The following DIAPH2 variants were observed in gnomAD, a reference collection of about 807,000 sequenced individuals.
DIAPH2 encodes protein diaphanous homolog 2.
A neutral mutation model predicts 92.7 loss-of-function variants in DIAPH2; 35 were observed. The observed-to-expected ratio is 0.38, with a 90% CI of 0.29 to 0.50. The LOEUF is 0.50. Ranked by LOEUF, DIAPH2 falls within the 20% of genes least tolerant of loss-of-function variation. The pLI is 0.94. For missense variants in DIAPH2, 701 were observed against 819.5 expected (o/e 0.86, Z 1.77); for synonymous variants, 301 against 280.4 (o/e 1.07, Z -0.73).
At chrX:97,302,129 C>T (rs1218287773) in intron 23 of DIAPH2, among the ~76,000 whole-genome samples, 1 of 99,203 alleles carries the variant, frequency 1.0e-5, no homozygotes, top group African/African-American at 3.9e-5. Context: ...AGGAGAATCA[C>T]TTGAACCCGG....
chrX:96,729,402 T>C, intron 1 of DIAPH2, among the ~76,000 whole-genome samples: 2 of 112,173 alleles, frequency 1.8e-5, no homozygotes, highest in Middle Eastern at 9.3e-3. Flanking sequence ...AATTCATTAG[T>C]GTGAACATTC....
chrX:97,224,998 T>G (rs2067954187), intron 22 of DIAPH2, among the ~76,000 whole-genome samples: 1 of 111,244 alleles, frequency 9.0e-6, no homozygotes, highest in African/African-American at 3.3e-5. Context: ...CTCTCAACAT[T>G]TGAGATTTTG....
intron 22 of DIAPH2, among the ~76,000 whole-genome samples, chrX:97,214,754 C>A (rs2067868898): frequency 9.5e-6 from 1 of 105,503 alleles, no homozygotes; most frequent in Non-Finnish European, 1.9e-5. Context: ...TTGCTTAAAC[C>A]CAGGAAGCGG....
At chrX:97,089,894 A>T (rs2066810569) in intron 19 of DIAPH2, among the ~76,000 whole-genome samples, 1 of 109,532 alleles carries the variant, frequency 9.1e-6, no homozygotes, top group African/African-American at 3.3e-5. Flanking sequence ...TGCCCGGCTA[A>T]TTTTTTTGTA....
intron 25 of DIAPH2, among the ~76,000 whole-genome samples, chrX:97,428,332 C>T (rs2070091289): frequency 9.0e-6 from 1 of 110,719 alleles, no homozygotes; most frequent in South Asian, 3.8e-4. Context: ...GAGTTCGAGA[C>T]CAGCCTGACC....
At chrX:97,089,737 T>C (rs1452390075) in intron 19 of DIAPH2, among the ~76,000 whole-genome samples, 1 of 110,543 alleles carries the variant, frequency 9.0e-6, no homozygotes, top group African/African-American at 3.3e-5. Context: ...TTATTTTATT[T>C]TTTTTTTGGA....
At chrX:97,249,738 T>TA (rs1879975652) in intron 23 of DIAPH2, among the ~76,000 whole-genome samples, 1 of 111,663 alleles carries the variant, frequency 9.0e-6, no homozygotes, top group African/African-American at 3.2e-5. Context: ...AATATATATA[T>TA]TTTTTACCCT....
At chrX:97,452,069 A>G (rs1385753422) in intron 26 of DIAPH2, among the ~76,000 whole-genome samples, 2 of 111,665 alleles carry the variant, frequency 1.8e-5, no homozygotes, top group Non-Finnish European at 3.8e-5. Flanking sequence ...TAGGAAAAAT[A>G]TTTAAATATA....
At chrX:96,938,637 T>G (rs2065673442) in intron 11 of DIAPH2, among the ~76,000 whole-genome samples, 1 of 112,047 alleles carries the variant, frequency 8.9e-6, no homozygotes, top group Admixed American at 9.5e-5. Flanking sequence ...TCCTCACTTT[T>G]ATTACAAAAA....
intron 1 of DIAPH2, among the ~76,000 whole-genome samples, chrX:96,691,943 T>C (rs1381241810): frequency 1.8e-5 from 2 of 112,135 alleles, no homozygotes; most frequent in Non-Finnish European, 3.8e-5. Context: ...CAATCCTTTT[T>C]AAAAAATCTA....
chrX:97,117,824 T>G (rs1443095706), intron 21 of DIAPH2, among the ~76,000 whole-genome samples: 1 of 111,956 alleles, frequency 8.9e-6, no homozygotes, highest in Non-Finnish European at 1.9e-5. Flanking sequence ...GAATTATCAC[T>G]TTGTGAGTCA....
chrX:97,035,417 G>T (rs1320288726), intron 17 of DIAPH2, among the ~76,000 whole-genome samples: 1 of 111,945 alleles, frequency 8.9e-6, no homozygotes, highest in Non-Finnish European at 1.9e-5. Context: ...TGCATATCAT[G>T]AAATAGTATG....
chrX:97,310,155 G>C (rs145265311), intron 23 of DIAPH2, among the ~76,000 whole-genome samples: 1 of 112,364 alleles, frequency 8.9e-6, no homozygotes, highest in African/African-American at 3.2e-5. Context: ...GAATCAGCAT[G>C]AATGGGATTT....
At chrX:97,353,980 A>G (rs1163821352) in intron 24 of DIAPH2, among the ~76,000 whole-genome samples, 2 of 110,621 alleles carry the variant, frequency 1.8e-5, no homozygotes, top group African/African-American at 3.3e-5. Flanking sequence ...ATGCCTGGCT[A>G]AATTTTTAAT....
chrX:96,806,436 C>T (rs180843342), intron 4 of DIAPH2, among the ~76,000 whole-genome samples: 192 of 108,487 alleles, frequency 1.8e-3, no homozygotes, highest in African/African-American at 6.1e-3. Flanking sequence ...AACCTGAGGT[C>T]GGGAGTTTGA....
chrX:97,510,347 G>A (rs1294714066), intron 26 of DIAPH2, among the ~76,000 whole-genome samples: 1 of 111,531 alleles, frequency 9.0e-6, no homozygotes, highest in African/African-American at 3.3e-5. Context: ...CCCACTTTTT[G>A]ATGGTGTTGT....
At chrX:97,395,414 G>A (rs746689310) in intron 25 of DIAPH2, among the ~76,000 whole-genome samples, 1 of 111,855 alleles carries the variant, frequency 8.9e-6, no homozygotes, top group Non-Finnish European at 1.9e-5. Flanking sequence ...TTTTGGACAT[G>A]TAGCCAGCAC....
At chrX:97,590,225 T>C (rs1351251373) in intron 26 of DIAPH2, among the ~76,000 whole-genome samples, 3 of 111,966 alleles carry the variant, frequency 2.7e-5, no homozygotes, top group Non-Finnish European at 5.6e-5. Flanking sequence ...CTGCCATTTC[T>C]GCCTCACTGC....
intron 26 of DIAPH2, among the ~76,000 whole-genome samples, chrX:97,514,076 A>G (rs1368262439): frequency 9.4e-6 from 1 of 106,083 alleles, no homozygotes; most frequent in Non-Finnish European, 1.9e-5. Context: ...GATTGGGGAA[A>G]TTCTCCTGGA....
Sources: allele counts gnomAD v4.1 joint callset (sites outside exome capture counted in the v4.1 genomes callset), GRCh38; gene constraint gnomAD v4.1.1; transcripts MANE v1.5; gene names NCBI Gene and HGNC (gene_info 2026-07-23, HGNC 2026-07-21).